Variants in ANKIB1 observed in about 807,000 individuals in gnomAD.
ANKIB1 encodes the protein ankyrin repeat and IBR domain containing 1.
Under a neutral mutation model 122.1 loss-of-function variants are expected in ANKIB1, and 43 were observed. The observed-to-expected ratio is 0.35, with a 90% CI of 0.28 to 0.45. ANKIB1 has a LOEUF of 0.45. ANKIB1 is among the 20% of genes least tolerant of loss of function. The probability of loss-of-function intolerance (pLI) is 1.00; values close to 1 mark genes in which losing one functional copy is unlikely to be tolerated. For synonymous variants in ANKIB1, 390 were observed against 442.0 expected (o/e 0.88, Z 1.48); for missense variants, 992 against 1,329.5 (o/e 0.75, Z 3.95).
At chr7:92,253,113 AT>A (rs1029379167) in intron 1 of ANKIB1, among the ~76,000 whole-genome samples, 1 of 152,316 alleles carries the variant, frequency 6.6e-6, no homozygotes, top group African/African-American at 2.4e-5. Flanking sequence ...GTGTGTACAT[AT>A]TACAGAATCA....
chr7:92,274,636 GTCAT>G (rs1325144882), intron 1 of ANKIB1, among the ~76,000 whole-genome samples: 2 of 151,992 alleles, frequency 1.3e-5, no homozygotes, highest in Admixed American at 1.3e-4. Context: ...AGAGAATCTG[GTCAT>G]TCTTAACTCC....
At chr7:92,316,779 C>G (rs1354945522) in intron 3 of ANKIB1, among the ~76,000 whole-genome samples, 1 of 152,166 alleles carries the variant, frequency 6.6e-6, no homozygotes, top group East Asian at 1.9e-4. Flanking sequence ...CTGGCATATC[C>G]TTTTAATAAG....
intron 4 of ANKIB1, among the ~76,000 whole-genome samples, chr7:92,325,220 C>T (rs1414957296): frequency 6.6e-6 from 1 of 152,170 alleles, no homozygotes; most frequent in Non-Finnish European, 1.5e-5. Context: ...ATCATCCTTC[C>T]CTTCCCCACT....
intron 5 of ANKIB1, among the ~76,000 whole-genome samples, chr7:92,340,235 C>T (rs1225979012): frequency 6.6e-6 from 1 of 152,152 alleles, no homozygotes; most frequent in East Asian, 1.9e-4. Flanking sequence ...ACTACCTGTT[C>T]AGCTCTTCCT....
At chr7:92,261,297 C>T (rs975218080) in intron 1 of ANKIB1, among the ~76,000 whole-genome samples, 5 of 146,066 alleles carry the variant, frequency 3.4e-5, no homozygotes, top group African/African-American at 1.3e-4. Flanking sequence ...TGCAGTGAGC[C>T]GAGATCGCGC....
chr7:92,349,728 T>G (rs1016997225), intron 7 of ANKIB1, among the ~76,000 whole-genome samples: 1 of 152,166 alleles, frequency 6.6e-6, no homozygotes, highest in Admixed American at 6.5e-5. Context: ...CATGTAGATT[T>G]TTCACATATA....
chr7:92,388,106 A>G (rs1296888296), intron 14 of ANKIB1, 65 bp downstream of exon 14: 1 of 1,406,470 alleles, frequency 7.1e-7, no homozygotes, highest in Non-Finnish European at 9.8e-7. Flanking sequence ...TCATTTCACT[A>G]GTAGGTTAGG....
chr7:92,330,535 A>G (rs771074652), intron 5 of ANKIB1, among the ~76,000 whole-genome samples: 1 of 152,174 alleles, frequency 6.6e-6, no homozygotes, highest in African/African-American at 2.4e-5. Flanking sequence ...GAAATTCTGA[A>G]TAGTTTTTAA....
intron 19 of ANKIB1, 101 bp downstream of exon 19, chr7:92,397,960 A>G: frequency 6.9e-7 from 1 of 1,438,866 alleles, no homozygotes; most frequent in Non-Finnish European, 9.3e-7. Flanking sequence ...TCTTCCTTCC[A>G]TTCTAAAATC....
chr7:92,372,948 T>A (rs571030943), intron 11 of ANKIB1, among the ~76,000 whole-genome samples: 1 of 152,126 alleles, frequency 6.6e-6, no homozygotes, highest in Non-Finnish European at 1.5e-5. Context: ...CAGTAAAATA[T>A]AATAATATCT....
At chr7:92,370,676 G>T (rs867050413) in intron 10 of ANKIB1, among the ~76,000 whole-genome samples, 18 of 152,052 alleles carry the variant, frequency 1.2e-4, no homozygotes, top group South Asian at 4.1e-4. Flanking sequence ...TACTTCAGAT[G>T]TCCTGACTTA....
At position 92,291,334 on chromosome 7, in the gene ANKIB1, C is replaced by G. The variant is rs1478665213; in HGVS notation, c.-90-3555C>G. On this transcript the variant is annotated intron_variant, in intron 1 of 19. Transcript: ENST00000265742. ...GAGTATAATTGGTTTGTTTGTAACA[C>G]AAGGACAAATGCTTGAGGTGGTGGA... Among the ~76,000 whole-genome samples the G allele has an allele frequency of 2.0e-5, 3 of 151,760 alleles. No individual in the cohort carries two copies. In the East Asian group the frequency reaches 5.8e-4, roughly 29 times the overall value.
At chr7:92,256,670 C>T (rs534390392) in intron 1 of ANKIB1, among the ~76,000 whole-genome samples, 16 of 152,226 alleles carry the variant, frequency 1.1e-4, no homozygotes, top group Admixed American at 9.2e-4. Flanking sequence ...CTACAAAGCC[C>T]ATATTCTTTC....
At position 92,295,184 on chromosome 7, in the gene ANKIB1, C is replaced by T. The variant is rs1048822584; in HGVS notation, c.188+18C>T. On this transcript the variant is annotated intron_variant, in intron 2 of 19. Transcript: ENST00000265742. The stretch of plus-strand genomic sequence containing the variant: ...ATATTAGGGTAAGTATTACTATAAA[C>T]TAATTGGTATTAGGGTATTACCGTA... 6.6e-7 allele frequency: 1 copy of T among 1,505,666 alleles called. No homozygotes were observed. The highest frequency in any genetic ancestry group is 2.1e-5 in the Admixed American group (1 of 47,300). The allele number at this position is 1,505,666 out of a possible 1,614,324, so 93.3% of individuals were successfully genotyped here.
intron 16 of ANKIB1, 82 bp downstream of exon 16, chr7:92,391,426 C>A: frequency 8.1e-7 from 1 of 1,232,250 alleles, no homozygotes; most frequent in South Asian, 2.6e-5. Context: ...AACTAGGGTT[C>A]ATATTCCTGG....
At chr7:92,280,793 A>G (rs766568445) in intron 1 of ANKIB1, among the ~76,000 whole-genome samples, 8 of 152,158 alleles carry the variant, frequency 5.3e-5, no homozygotes, top group Non-Finnish European at 1.2e-4. Flanking sequence ...CAGCTTACCT[A>G]CTGTTTCATA....
At position 92,383,769 on chromosome 7, in the gene ANKIB1, C is replaced by A. The variant is rs530936562; in HGVS notation, c.1618-2740C>A. The stretch of plus-strand genomic sequence containing the variant: ...AATAATAAGAGCTATTTATGACAAA[C>A]CCACAGCCAGTATGATACTGAACGG... On this transcript the variant is annotated intron_variant, in intron 11 of 19. Coordinates refer to ENST00000265742, the MANE Select transcript of ANKIB1 (RefSeq NM_019004.2). Among the ~76,000 whole-genome samples, 12 of 152,248 alleles carry A rather than the reference C, an allele frequency of 7.9e-5. No individual in the cohort carries two copies. In the South Asian group the frequency reaches 2.5e-3, roughly 32 times the overall value.
chr7:92,263,943 G>A (rs924771065), intron 1 of ANKIB1, among the ~76,000 whole-genome samples: 1 of 152,140 alleles, frequency 6.6e-6, no homozygotes, highest in Non-Finnish European at 1.5e-5. Flanking sequence ...GAAATATAAA[G>A]AGGTATAAAA....
intron 3 of ANKIB1, among the ~76,000 whole-genome samples, chr7:92,318,178 T>C (rs1802832071): frequency 6.6e-6 from 1 of 152,116 alleles, no homozygotes; most frequent in South Asian, 2.1e-4. Context: ...AAACAATAAA[T>C]AGTGACTGTT....
Sources: gnomAD v4.1 joint callset for allele counts (sites outside exome capture counted in the v4.1 genomes callset) on GRCh38, gnomAD v4.1.1 for gene constraint, MANE v1.5 for transcripts, NCBI Gene and HGNC (gene_info 2026-07-23, HGNC 2026-07-21) for gene names.